TRIM56: variants seen among roughly 807,000 people sequenced by gnomAD.
TRIM56 encodes tripartite motif containing 56, also known as E3 ubiquitin-protein ligase TRIM56.
TRIM56 carries 10 observed loss-of-function variants against 17.1 expected under a neutral mutation model. The observed-to-expected ratio is 0.58, with a 90% CI of 0.36 to 0.99. The LOEUF (loss-of-function observed/expected upper bound fraction) is 0.99. Ranked by LOEUF, TRIM56 falls within the 50% of genes least tolerant of loss-of-function variation. The pLI, the probability that TRIM56 is intolerant of heterozygous loss-of-function variation, is 0.01. For missense variants in TRIM56, 923 were observed against 1,052.3 expected (o/e 0.88, Z 1.70); for synonymous variants, 503 against 473.5 (o/e 1.06, Z -0.81).
rs1287725229 is a variant in TRIM56, at chr7:101,088,407, TC to T, written c.1096del (p.Leu366PhefsTer166). The T allele has an allele frequency of 1.4e-5, 23 of 1,606,436 alleles. No homozygotes were observed. Among genetic ancestry groups the T allele is most frequent in the Non-Finnish European group, 1.8e-5 (21 of 1,175,960 alleles). On this transcript the variant is annotated frameshift_variant, in exon 3 of 3. Coordinates refer to ENST00000306085, the MANE Select transcript of TRIM56 (RefSeq NM_030961.3). LOFTEE classifies it low-confidence loss of function (END_TRUNC). Reference sequence around the variant, plus strand: ...GGCTCCTGGACAAGAACTGCCACCTTCTTCGGCTGTCCTTTGAGGAGCAGCA... The same window carrying T: ...GGCTCCTGGACAAGAACTGCCACCTTTTCGGCTGTCCTTTGAGGAGCAGCA... Reference protein sequence around the residue: ...PGLLDKNCHLLRLSFEEQQPQ... With the variant: ...PGLLDKNCHLXRLSFEEQQPQ...
At position 101,091,543 on chromosome 7, in the gene TRIM56, A is replaced by G; in HGVS notation, c.*1963A>G. On this transcript the variant is annotated 3_prime_UTR_variant, in exon 3 of 3. Coordinates refer to ENST00000306085, the MANE Select transcript of TRIM56 (RefSeq NM_030961.3). The stretch of plus-strand genomic sequence containing the variant: ...GGAGTTCGAGACCAGCCTGGCCAAC[A>G]TGGAGAAACCCCATCTCTACTAAAA... The G allele has an allele frequency of 6.1e-6, 2 of 329,336 alleles. No individual in the cohort carries two copies. Among genetic ancestry groups the G allele is most frequent in the South Asian group, 4.5e-5 (2 of 44,258 alleles). 20.4% of individuals were successfully genotyped at this position (329,336 alleles called of 1,614,324 possible). A position where few individuals can be genotyped will look rare whatever the true frequency, so the allele number is the denominator to read the frequency against.
rs1390940036 is a variant in TRIM56 at position 101,088,384 on chromosome 7, C to T, written c.1072C>T (p.Leu358Phe). The change falls in exon 3 of 3, where the codon CTC (leucine) becomes TTC (phenylalanine). Residue 358 changes from leucine (L) to phenylalanine (F), a missense_variant. By Grantham distance (22) the Leu-to-Phe change is conservative (BLOSUM62 0). Transcript: ENST00000306085. ...LLPQLELHPG[L>F]LDKNCHLLRL... The stretch of plus-strand genomic sequence containing the variant: ...CCCACAGCTGGAGCTCCATCCTGGG[C>T]TCCTGGACAAGAACTGCCACCTTCT... 5.7e-6 allele frequency: 9 copies of T among 1,583,340 alleles called. No homozygotes were observed. Among genetic ancestry groups the T allele is most frequent in the Middle Eastern group, 1.7e-4 (1 of 5,740 alleles).
Position 101,091,490 on chromosome 7 carries a change from G to T in TRIM56, c.*1910G>T. On this transcript the variant is annotated 3_prime_UTR_variant, in exon 3 of 3. Coordinates refer to ENST00000306085, the MANE Select transcript of TRIM56 (RefSeq NM_030961.3). ...GCCTGTAATCCCAGCACTCTGGGAGGCTGGGGTGGGTGGATCACTCAAGGT... is the reference window on the plus strand; with the variant it reads ...GCCTGTAATCCCAGCACTCTGGGAGTCTGGGGTGGGTGGATCACTCAAGGT... 1 of 268,520 alleles carries T rather than the reference G, an allele frequency of 3.7e-6. No individual in the cohort carries two copies. The allele number at this position is 268,520 out of a possible 1,614,324, so 16.6% of individuals were successfully genotyped here.
At position 101,088,147 on chromosome 7, in the gene TRIM56, G is replaced by T; in HGVS notation, c.835G>T (p.Ala279Ser). 1 of 1,499,962 alleles carries T rather than the reference G, an allele frequency of 6.7e-7. No individual in the cohort carries two copies. Among genetic ancestry groups the T allele is most frequent in the Non-Finnish European group, 8.9e-7 (1 of 1,124,340 alleles). The allele number at this position is 1,499,962 out of a possible 1,614,324, so 92.9% of individuals were successfully genotyped here. ...GCAGGAGGTGCTGGGGCAGCTACGAGCCCACGTGGAGGCTGCCGAAGAAGC... is the reference window on the plus strand; with the variant it reads ...GCAGGAGGTGCTGGGGCAGCTACGATCCCACGTGGAGGCTGCCGAAGAAGC... ...QKQEVLGQLRAHVEAAEEAAR... is the reference protein window; with the variant it reads ...QKQEVLGQLRSHVEAAEEAAR... The change falls in exon 3 of 3, where the codon GCC becomes TCC. Residue 279 changes from alanine (A) to serine (S), a missense_variant. Transcript: ENST00000306085.
chr7:101,086,981 G>A, intron 1 of TRIM56, 25 bp from the exon 2 acceptor site: 2 of 297,966 alleles, frequency 6.7e-6, no homozygotes, highest in Non-Finnish European at 1.3e-5. Flanking sequence ...TATTAGCTAA[G>A]GCCAGGGACT....
chr7:101,087,510 G>C lies in TRIM56; in HGVS notation c.198G>C (p.Pro66=). The C allele has an allele frequency of 6.2e-7, 1 of 1,613,354 alleles. No individual in the cohort carries two copies. The highest frequency in any genetic ancestry group is 8.5e-7 in the Non-Finnish European group (1 of 1,179,700). Residue 66 remains proline (P), a synonymous_variant, in exon 3 of 3, where the codon CCG becomes CCC. Transcript: ENST00000306085. ...AGTGCCGCGAGACAGTGCCTGTGCCGCCCGAGGGTGTGGCCTCCTTCAAGA... is the reference window on the plus strand; with the variant it reads ...AGTGCCGCGAGACAGTGCCTGTGCCCCCCGAGGGTGTGGCCTCCTTCAAGA... ...CPECRETVPV[P]PEGVASFKTN...
rs1459566389 is a variant in TRIM56 at position 101,087,301 on chromosome 7, T to C, written c.-1-11T>C. 1 of 1,607,632 alleles carries C rather than the reference T, an allele frequency of 6.2e-7. No homozygotes were observed. The highest frequency in any genetic ancestry group is 1.7e-5 in the Admixed American group (1 of 59,692). Reference sequence around the variant, plus strand: ...CCTTCTCAACTCTGATCCTGACGCCTCTGCCTGCAGCATGGTTTCCCACGG... The same window carrying C: ...CCTTCTCAACTCTGATCCTGACGCCCCTGCCTGCAGCATGGTTTCCCACGG... On this transcript the variant is annotated splice_polypyrimidine_tract_variant and intron_variant, in intron 2 of 2. Transcript: ENST00000306085.
In TRIM56 at chr7:101,088,011, G is replaced by A. The variant is rs1272843022; in HGVS notation, c.699G>A (p.Ala233=). Residue 233 remains alanine, a synonymous_variant, in exon 3 of 3, where the codon GCG becomes GCA. Coordinates refer to ENST00000306085, the MANE Select transcript of TRIM56 (RefSeq NM_030961.3). ...VDNNLVELEA[A]RRVEKEALAR... The stretch of plus-strand genomic sequence containing the variant: ...ATAACCTGGTGGAGCTGGAGGCAGC[G>A]CGGAGGGTGGAGAAGGAGGCGCTAG... 6.3e-6 allele frequency: 10 copies of A among 1,575,152 alleles called. No homozygotes were observed. The highest frequency in any genetic ancestry group is 1.8e-5 in the Admixed American group (1 of 55,824).
chr7:101,087,973 G>A lies in TRIM56; in HGVS notation c.661G>A (p.Ala221Thr), dbSNP rs771778501. 3.8e-6 allele frequency: 6 copies of A among 1,594,822 alleles called. No individual in the cohort carries two copies. Among genetic ancestry groups the A allele is most frequent in the Non-Finnish European group, 4.2e-6 (5 of 1,176,624 alleles). The change falls in exon 3 of 3, where the codon GCC becomes ACC. Residue 221 changes from alanine (A) to threonine (T), a missense_variant. Physicochemically the swap from Ala to Thr is moderately conservative, Grantham distance 58 (BLOSUM62 0). Coordinates refer to ENST00000306085, the MANE Select transcript of TRIM56 (RefSeq NM_030961.3). ...GAGGCCGGGCCTGGAGGGACTGCTG[G>A]CCGGTGTGGACAATAACCTGGTGGA... is the stretch of plus-strand genomic sequence containing the variant. ...ARRPGLEGLL[A>T]GVDNNLVELE... is the part of the protein sequence containing the mutation.
Position 101,091,868 on chromosome 7 carries a change from G to A in TRIM56, c.*2288G>A. On this transcript the variant is annotated 3_prime_UTR_variant, in exon 3 of 3. Coordinates refer to ENST00000306085, the MANE Select transcript of TRIM56 (RefSeq NM_030961.3). ...AGCTGGACTGTACTGCTGCCATCTC[G>A]GCTCACTGCAACCTCCCTGCCTGAT... 1 of 343,144 alleles carries A rather than the reference G, an allele frequency of 2.9e-6. No homozygotes were observed. The highest frequency in any genetic ancestry group is 2.1e-5 in the South Asian group (1 of 47,312). 21.3% of individuals were successfully genotyped at this position (343,144 alleles called of 1,614,324 possible). A position where few individuals can be genotyped will look rare whatever the true frequency, so the allele number is the denominator to read the frequency against.
At position 101,090,818 on chromosome 7, in the gene TRIM56, C is replaced by T. The variant is rs1326894297; in HGVS notation, c.*1238C>T. ...TACATAGGATAGAAAAATCTCTAGG[C>T]TCCAACGCTTCTGCTTCGGTGTCTT... On this transcript the variant is annotated 3_prime_UTR_variant, in exon 3 of 3. Coordinates refer to ENST00000306085, the MANE Select transcript of TRIM56 (RefSeq NM_030961.3). The T allele has an allele frequency of 6.6e-6, 1 of 152,188 alleles. No homozygotes were observed. The highest frequency in any genetic ancestry group is 1.5e-5 in the Non-Finnish European group (1 of 68,060). The allele number at this position is 152,188 out of a possible 1,614,324, so 9.4% of individuals were successfully genotyped here.
chr7:101,087,360 C>T lies in TRIM56; in HGVS notation c.48C>T (p.Ser16=), dbSNP rs371698498. 9.9e-6 allele frequency: 16 copies of T among 1,612,770 alleles called. No homozygotes were observed. The Middle Eastern group carries it at 4.9e-4, about 50-fold the overall frequency. The change falls in exon 3 of 3, where the codon AGC becomes AGT. Residue 16 remains serine, a synonymous_variant. Transcript: ENST00000306085. ...SSPSLLEALS[S]DFLACKICLE... ...CCTCCCTCCTGGAGGCCCTGAGCAG[C>T]GACTTCCTGGCCTGTAAAATCTGCC...
In TRIM56 at chr7:101,092,780, G is replaced by C. The variant is rs527962763; in HGVS notation, c.*3200G>C. The C allele has an allele frequency of 1.2e-5, 2 of 160,020 alleles. No homozygotes were observed. Among genetic ancestry groups the C allele is most frequent in the African/African-American group, 5.0e-5 (2 of 40,040 alleles). 9.9% of individuals were successfully genotyped at this position (160,020 alleles called of 1,614,324 possible). On this transcript the variant is annotated 3_prime_UTR_variant, in exon 3 of 3. Coordinates refer to ENST00000306085, the MANE Select transcript of TRIM56 (RefSeq NM_030961.3). ...GGTGGGGGGTCGCCTCTGCCCGGCC[G>C]CCCCGTCTGGGAGGTGAGGAGCCCC...
Position 101,094,054 on chromosome 7 carries a change from T to G in TRIM56, c.*4474T>G, listed in dbSNP as rs1432294805. On this transcript the variant is annotated 3_prime_UTR_variant, in exon 3 of 3. Transcript: ENST00000306085. ...AAAATAATGTAAGAGAAAAAATATT[T>G]GCATACAGACATTTGAGGCTGCTCT... 2 of 152,216 alleles carry G rather than the reference T, an allele frequency of 1.3e-5. No individual in the cohort carries two copies. The highest frequency in any genetic ancestry group is 4.8e-5 in the African/African-American group (2 of 41,458). The allele number at this position is 152,216 out of a possible 1,614,324, so 9.4% of individuals were successfully genotyped here.
Position 101,088,446 on chromosome 7 carries a change from T to C in TRIM56, c.1134T>C (p.Asp378=), listed in dbSNP as rs1483459260. ...LSFEEQQPQK[D]GGKDGAGTQG... ...TTGAGGAGCAGCAGCCCCAGAAGGA[T>C]GGTGGGAAAGACGGAGCTGGTACCC... The change falls in exon 3 of 3, where the codon GAT becomes GAC. Residue 378 remains aspartate, a synonymous_variant. Coordinates refer to ENST00000306085, the MANE Select transcript of TRIM56 (RefSeq NM_030961.3). 1.2e-6 allele frequency: 2 copies of C among 1,613,274 alleles called. No individual in the cohort carries two copies. The highest frequency in any genetic ancestry group is 1.7e-5 in the Admixed American group (1 of 59,932).
chr7:101,092,050 G>A lies in TRIM56; in HGVS notation c.*2470G>A. The A allele has an allele frequency of 3.4e-6, 1 of 295,314 alleles. No individual in the cohort carries two copies. The highest frequency in any genetic ancestry group is 6.5e-6 in the Non-Finnish European group (1 of 154,390). 18.3% of individuals were successfully genotyped at this position (295,314 alleles called of 1,614,324 possible). On this transcript the variant is annotated 3_prime_UTR_variant, in exon 3 of 3. Transcript: ENST00000306085. ...AGTGATCCGCCAGCCTCGGCCTCCG[G>A]AGGTGCCGGGATTGCAGACGGAGTC...
Position 101,089,645 on chromosome 7 carries a change from G to A in TRIM56, c.*65G>A, listed in dbSNP as rs1476574527. 12 of 1,458,726 alleles carry A rather than the reference G, an allele frequency of 8.2e-6. No homozygotes were observed. The highest frequency in any genetic ancestry group is 2.4e-5 in the East Asian group (1 of 42,232). 90.4% of individuals were successfully genotyped at this position (1,458,726 alleles called of 1,614,324 possible). Reference sequence around the variant, plus strand: ...GGGCAGGAAGGAGGCAGAGCTGTCCGTGGGAGGTGGAGGCCGAGGACATTT... The same window carrying A: ...GGGCAGGAAGGAGGCAGAGCTGTCCATGGGAGGTGGAGGCCGAGGACATTT... On this transcript the variant is annotated 3_prime_UTR_variant, in exon 3 of 3. Coordinates refer to ENST00000306085, the MANE Select transcript of TRIM56 (RefSeq NM_030961.3).
In TRIM56 at chr7:101,092,835, T is replaced by G. The variant is rs1584892438; in HGVS notation, c.*3255T>G. The G allele has an allele frequency of 6.0e-6, 1 of 167,662 alleles. No individual in the cohort carries two copies. Among genetic ancestry groups the G allele is most frequent in the Non-Finnish European group, 1.3e-5 (1 of 79,872 alleles). The allele number at this position is 167,662 out of a possible 1,614,324, so 10.4% of individuals were successfully genotyped here. On this transcript the variant is annotated 3_prime_UTR_variant, in exon 3 of 3. Transcript: ENST00000306085. ...CCCGGCCACCACCCCGTCTGGGAGG[T>G]GTACCCAACAGCTCATTGAGAACGG...
chr7:101,087,668 G>A lies in TRIM56; in HGVS notation c.356G>A (p.Arg119Gln), dbSNP rs1186556625. 3.1e-6 allele frequency: 5 copies of A among 1,601,752 alleles called. No individual in the cohort carries two copies. Among genetic ancestry groups the A allele is most frequent in the Non-Finnish European group, 4.3e-6 (5 of 1,175,378 alleles). The change falls in exon 3 of 3, where the codon CGG becomes CAG. Residue 119 changes from arginine (R) to glutamine (Q), a missense_variant. By Grantham distance (43) the Arg-to-Gln change is conservative. Coordinates refer to ENST00000306085, the MANE Select transcript of TRIM56 (RefSeq NM_030961.3). ...AGCACCGGGGGGCCGGCCACGGCCC[G>A]GTGCCTGGACTGTGCCGATGACTTG... ...GTSTGGPATA[R>Q]CLDCADDLCQ... is the part of the protein sequence containing the mutation.
Sources: gnomAD v4.1 joint callset for allele counts on GRCh38, gnomAD v4.1.1 for gene constraint, MANE v1.5 for transcripts, NCBI Gene and HGNC (gene_info 2026-07-23, HGNC 2026-07-21) for gene names.